PDLIM4: variants seen among roughly 807,000 people sequenced by gnomAD.
The protein encoded by PDLIM4 is PDZ and LIM domain 4, also known as PDZ and LIM domain protein 4.
Under a neutral mutation model 31.3 loss-of-function variants are expected in PDLIM4, and 19 were observed. The observed-to-expected ratio is 0.61, with a 90% confidence interval of 0.42 to 0.89. The LOEUF is 0.89. Ranked by LOEUF, PDLIM4 falls within the 40% of genes least tolerant of loss-of-function variation. The pLI is 0.00. For missense variants in PDLIM4, 442 were observed against 461.1 expected, an observed-to-expected ratio of 0.96 and a Z score of 0.38; for synonymous variants, 176 against 190.1, an observed-to-expected ratio of 0.93 and a Z score of 0.61.
intron 5 of PDLIM4, 105 bp downstream of exon 5, chr5:132,271,571 G>A: frequency 8.1e-7 from 1 of 1,239,552 alleles, no homozygotes; most frequent in Non-Finnish European, 1.2e-6. Context: ...TGCCCTCTTC[G>A]GTCTCTGCGG....
Position 132,272,580 on chromosome 5 carries a change from G to T in PDLIM4, c.*351G>T, listed in dbSNP as rs1201499748. 3 of 353,264 alleles carry T rather than the reference G, an allele frequency of 8.5e-6. No homozygotes were observed. In the East Asian group the frequency reaches 2.0e-4, roughly 24 times the overall value. The allele number at this position is 353,264 out of a possible 1,614,324, so 21.9% of individuals were successfully genotyped here. A position where few individuals can be genotyped will look rare whatever the true frequency, so the allele number is the denominator to read the frequency against. ...GCGCGACGACAGGAGGTATGACCTG[G>T]GTGGGGTCAGGGAAAGTCTTAGCTG... On this transcript the variant is annotated 3_prime_UTR_variant, in exon 7 of 7. Transcript: ENST00000253754.
chr5:132,266,389 C>A, intron 2 of PDLIM4, 75 bp from the exon 3 acceptor site: 1 of 959,760 alleles, frequency 1.0e-6, no homozygotes, highest in Non-Finnish European at 1.7e-6. Flanking sequence ...CAGAGCCCAG[C>A]CCCTCTTGAT....
chr5:132,261,801 G>A (rs916757608), intron 1 of PDLIM4, among the ~76,000 whole-genome samples: 2 of 152,150 alleles, frequency 1.3e-5, no homozygotes, highest in East Asian at 3.9e-4. Flanking sequence ...ACCCCCAAAC[G>A]CAGGCTGTCA....
intron 3 of PDLIM4, among the ~76,000 whole-genome samples, chr5:132,269,424 C>A (rs574828904): frequency 6.6e-6 from 1 of 151,028 alleles, no homozygotes; most frequent in Non-Finnish European, 1.5e-5. Context: ...GACAGACACA[C>A]GTGTGAGAGC....
chr5:132,261,489 T>C (rs767421823), intron 1 of PDLIM4: 12 of 152,182 alleles, frequency 7.9e-5, no homozygotes, highest in African/African-American at 2.4e-5. Context: ...CCCAAAAGAA[T>C]GGGGTCACTG....
chr5:132,267,778 A>G (rs1372713342), intron 3 of PDLIM4, among the ~76,000 whole-genome samples: 3 of 152,140 alleles, frequency 2.0e-5, no homozygotes, highest in African/African-American at 7.2e-5. Context: ...GGCCACAGAA[A>G]GGCTCTTGGG....
At position 132,272,600 on chromosome 5, in the gene PDLIM4, T is replaced by G; in HGVS notation, c.*371T>G. ...ACCTGGGTGGGGTCAGGGAAAGTCT[T>G]AGCTGAGAACTAAGAGATGAGGGAG... On this transcript the variant is annotated 3_prime_UTR_variant, in exon 7 of 7. Coordinates refer to ENST00000253754, the MANE Select transcript of PDLIM4 (RefSeq NM_003687.4). The G allele has an allele frequency of 3.1e-6, 1 of 322,430 alleles. No individual in the cohort carries two copies. Among genetic ancestry groups the G allele is most frequent in the East Asian group, 7.5e-5 (1 of 13,290 alleles). 20.0% of individuals were successfully genotyped at this position (322,430 alleles called of 1,614,324 possible).
At position 132,257,717 on chromosome 5, in the gene PDLIM4, C is replaced by T. The variant is rs1051644748; in HGVS notation, c.-18C>T. 4 of 1,447,908 alleles carry T rather than the reference C, an allele frequency of 2.8e-6. No homozygotes were observed. The highest frequency in any genetic ancestry group is 1.5e-5 in the African/African-American group (1 of 67,732). 89.7% of individuals were successfully genotyped at this position (1,447,908 alleles called of 1,614,324 possible). The stretch of plus-strand genomic sequence containing the variant: ...CCTCAGAGTCCGGCTCAGGCTCCGG[C>T]TGCGGCTCCAGCCCGCGATGCCCCA... On this transcript the variant is annotated 5_prime_UTR_variant, in exon 1 of 7. Transcript: ENST00000253754. This position sits in a 1 kb window ranked among gnomAD's most constrained non-coding sequence, Gnocchi z 4.3.
At chr5:132,267,347 G>A (rs1335378726) in intron 3 of PDLIM4, among the ~76,000 whole-genome samples, 1 of 152,196 alleles carries the variant, frequency 6.6e-6, no homozygotes, top group Non-Finnish European at 1.5e-5. Flanking sequence ...CTGAACCAGA[G>A]GGAAGGATGT....
rs774017866 is a variant in PDLIM4, at chr5:132,262,750, T to A, written c.235T>A (p.Ser79Thr). The A allele has an allele frequency of 1.6e-5, 26 of 1,613,162 alleles. No individual in the cohort carries two copies. The highest frequency in any genetic ancestry group is 2.2e-5 in the Non-Finnish European group (26 of 1,179,408). Residue 79 changes from serine to threonine, a missense_variant, in exon 2 of 7, where the codon TCT becomes ACT. Transcript: ENST00000253754. ...IKGCHDHLTL[S>T]VSRPEGRSWP... is the part of the protein sequence containing the mutation. The stretch of plus-strand genomic sequence containing the variant: ...GGGCTGCCACGATCACCTCACACTG[T>A]CTGTGAGCAGGTATGCACAGGTGGG...
Position 132,257,825 on chromosome 5 carries a change from C to A in PDLIM4, c.91C>A (p.Arg31=). The change falls in exon 1 of 7, where the codon CGG becomes AGG. Residue 31 remains arginine (R), a splice_region_variant and synonymous_variant. Transcript: ENST00000253754. The surrounding 1 kb of genome is among the most constrained non-coding windows in gnomAD (Gnocchi z 4.3). ...CTTCAGCGCGCCCCTCACCATCTCA[C>A]GGGTGAGTCTGGCGGCTGCGTGGCG... ...RDFSAPLTIS[R]VHAGSKAALA... is the part of the protein sequence containing the mutation. 2 of 1,487,948 alleles carry A rather than the reference C, an allele frequency of 1.3e-6. No homozygotes were observed. The highest frequency in any genetic ancestry group is 1.8e-6 in the Non-Finnish European group (2 of 1,118,790). The allele number at this position is 1,487,948 out of a possible 1,614,324, so 92.2% of individuals were successfully genotyped here.
At chr5:132,261,222 C>G (rs114546812) in intron 1 of PDLIM4, among the ~76,000 whole-genome samples, 2,089 of 152,232 alleles carry the variant, frequency 0.014, 46 homozygotes, top group African/African-American at 0.048. Context: ...GGTGTCTCCC[C>G]CAGGATGACA....
At position 132,272,527 on chromosome 5, in the gene PDLIM4, G is replaced by C. The variant is rs952813334; in HGVS notation, c.*298G>C. On this transcript the variant is annotated 3_prime_UTR_variant, in exon 7 of 7. Coordinates refer to ENST00000253754, the MANE Select transcript of PDLIM4 (RefSeq NM_003687.4). ...CACAACGGGCCAGCTCTAGTAATAC[G>C]AAGGTGAGGTCTGGGATGCTGCGTG... 4.2e-6 allele frequency: 2 copies of C among 470,688 alleles called. No individual in the cohort carries two copies. Among genetic ancestry groups the C allele is most frequent in the East Asian group, 8.2e-5 (2 of 24,382 alleles). 29.2% of individuals were successfully genotyped at this position (470,688 alleles called of 1,614,324 possible).
intron 1 of PDLIM4, among the ~76,000 whole-genome samples, chr5:132,258,115 C>T (rs966914097): frequency 1.3e-5 from 2 of 152,210 alleles, no homozygotes; most frequent in Non-Finnish European, 2.9e-5. Flanking sequence ...CCGGGAAGGA[C>T]CCGCGGAGAT....
intron 3 of PDLIM4, among the ~76,000 whole-genome samples, chr5:132,268,883 G>A (rs1036383288): frequency 2.6e-5 from 4 of 152,190 alleles, no homozygotes; most frequent in Admixed American, 2.6e-4. Flanking sequence ...CTGGTTCTCA[G>A]AGCAGAGGAG....
At chr5:132,258,864 C>T (rs1272888401) in intron 1 of PDLIM4, among the ~76,000 whole-genome samples, 1 of 152,208 alleles carries the variant, frequency 6.6e-6, no homozygotes, top group Non-Finnish European at 1.5e-5. Context: ...CAGAGAAGCA[C>T]CTTCCCCCAC....
At chr5:132,267,641 G>A (rs537192466) in intron 3 of PDLIM4, among the ~76,000 whole-genome samples, 1 of 152,310 alleles carries the variant, frequency 6.6e-6, no homozygotes, top group African/African-American at 2.4e-5. Context: ...AGGGGTATAG[G>A]GAGAGGAAGT....
intron 1 of PDLIM4, among the ~76,000 whole-genome samples, chr5:132,258,177 C>T (rs985228424): frequency 3.3e-5 from 5 of 152,212 alleles, no homozygotes. Context: ...TTCAGACTCA[C>T]CCCCTGCCTG....
chr5:132,260,033 C>T (rs1352053294), intron 1 of PDLIM4, among the ~76,000 whole-genome samples: 1 of 152,222 alleles, frequency 6.6e-6, no homozygotes, highest in African/African-American at 2.4e-5. Context: ...GAAGTAAGGA[C>T]TCCCTCTGGC....
Sources: gnomAD v4.1 joint callset for allele counts (sites outside exome capture counted in the v4.1 genomes callset) on GRCh38, gnomAD v4.1.1 for gene constraint, Gnocchi (gnomAD v3.1) non-coding constraint, MANE v1.5 for transcripts, NCBI Gene and HGNC (gene_info 2026-07-23, HGNC 2026-07-21) for gene names.